The following CCDC150 variants were observed in gnomAD, a reference collection of about 807,000 sequenced individuals.
The protein encoded by CCDC150 is coiled-coil domain-containing protein 150.
Under a neutral mutation model 156.5 loss-of-function variants are expected in CCDC150, and 151 were observed. That is an observed-to-expected ratio of 0.97 (90% CI 0.85 to 1.10). CCDC150 has a LOEUF of 1.10. Ranked by LOEUF, CCDC150 falls within the 50% of genes least tolerant of loss-of-function variation. The probability of loss-of-function intolerance (pLI) is 0.00; values close to 1 mark genes in which losing one functional copy is unlikely to be tolerated. For synonymous variants in CCDC150, 452 were observed against 429.4 expected, an observed-to-expected ratio of 1.05 and a Z score of -0.65; for missense variants, 1,312 against 1,268.1, an observed-to-expected ratio of 1.03 and a Z score of -0.53.
chr2:196,665,588 G>A lies in CCDC150; in HGVS notation c.667G>A (p.Glu223Lys), dbSNP rs1327073160. 2 of 1,602,832 alleles carry A rather than the reference G, an allele frequency of 1.2e-6. No individual in the cohort carries two copies. Among genetic ancestry groups the A allele is most frequent in the South Asian group, 1.1e-5 (1 of 88,126 alleles). ...IQELRRQLAQEKYLRESLEKS... is the reference protein window; with the variant it reads ...IQELRRQLAQKKYLRESLEKS... Reference sequence around the variant, plus strand: ...GTAGCTAAGGAGACAACTGGCTCAGGAGAAGTACCTTAGGGAATCTTTAGA... The same window carrying A: ...GTAGCTAAGGAGACAACTGGCTCAGAAGAAGTACCTTAGGGAATCTTTAGA... The change falls in exon 6 of 28, where the codon GAG (glutamate) becomes AAG (lysine). Residue 223 changes from glutamate (E) to lysine (K), a missense_variant. Physicochemically the swap from Glu to Lys is moderately conservative, Grantham distance 56. Transcript: ENST00000389175.
At chr2:196,685,761 A>G (rs955443794) in intron 13 of CCDC150, among the ~76,000 whole-genome samples, 1 of 151,662 alleles carries the variant, frequency 6.6e-6, no homozygotes, top group African/African-American at 2.4e-5. Context: ...ACAGGCGCCT[A>G]CCACCACGCC....
In CCDC150 at chr2:196,712,709, C is replaced by T. The variant is rs1298783384; in HGVS notation, c.1836C>T (p.His612=). 3 of 1,611,074 alleles carry T rather than the reference C, an allele frequency of 1.9e-6. No individual in the cohort carries two copies. Among genetic ancestry groups the T allele is most frequent in the Non-Finnish European group, 2.5e-6 (3 of 1,178,570 alleles). Residue 612 remains histidine (H), a synonymous_variant, in exon 17 of 28, where the codon CAC becomes CAT. Transcript: ENST00000389175. ...ANSELSAKRV[H]LQQADAHLKE... ...CAGAACTCAGTGCCAAGAGGGTACA[C>T]CTGCAGCAGGCAGATGCTCACCTGA...
intron 17 of CCDC150, among the ~76,000 whole-genome samples, chr2:196,715,059 A>G (rs529284097): frequency 1.3e-5 from 2 of 152,320 alleles, no homozygotes; most frequent in African/African-American, 2.4e-5. Context: ...ATTATGAAAC[A>G]GTACAACTTC....
chr2:196,729,641 T>C (rs1698418735), intron 23 of CCDC150, 152 bp from the exon 24 acceptor site: 10 of 684,986 alleles, frequency 1.5e-5, no homozygotes, highest in East Asian at 8.1e-5. Flanking sequence ...CTTTGCTCTT[T>C]TGGGATCAGT....
intron 5 of CCDC150, among the ~76,000 whole-genome samples, chr2:196,660,139 C>T (rs924768398): frequency 6.6e-6 from 1 of 152,108 alleles, no homozygotes; most frequent in Non-Finnish European, 1.5e-5. Context: ...TTTCATGGCT[C>T]AGTAACTCAT....
rs1698581626 is a variant in CCDC150, at chr2:196,732,550, A to G, written c.3294A>G (p.Val1098=). The G allele has an allele frequency of 6.2e-7, 1 of 1,608,086 alleles. No individual in the cohort carries two copies. Among genetic ancestry groups the G allele is most frequent in the African/African-American group, 1.3e-5 (1 of 74,892 alleles). The part of the protein sequence containing the change: ...RPMPKKYHSE[V]QRK ...TGCCCAAGAAGTATCATTCTGAGGT[A>G]CAGAGGAAGTGATGTCCTTGACAAG... Residue 1098 remains valine (V), a synonymous_variant, in exon 28 of 28, where the codon GTA becomes GTG. Transcript: ENST00000389175.
At chr2:196,649,741 G>T (rs1449458703) in intron 2 of CCDC150, among the ~76,000 whole-genome samples, 1 of 152,020 alleles carries the variant, frequency 6.6e-6, no homozygotes, top group Non-Finnish European at 1.5e-5. Flanking sequence ...ACTTATTCCT[G>T]AGTCCTTTTT....
chr2:196,665,459 A>G, intron 5 of CCDC150, 108 bp from the exon 6 acceptor site: 1 of 552,746 alleles, frequency 1.8e-6, no homozygotes. Context: ...ATGAATTAAG[A>G]CTGTTTGGGG....
At chr2:196,658,265 G>T (rs1559219947) in intron 4 of CCDC150, among the ~76,000 whole-genome samples, 1 of 152,114 alleles carries the variant, frequency 6.6e-6, no homozygotes. Flanking sequence ...TAAAAAAAAG[G>T]TATGCTCGAA....
intron 13 of CCDC150, among the ~76,000 whole-genome samples, chr2:196,684,571 T>G (rs182353180): frequency 3.7e-4 from 56 of 152,252 alleles, no homozygotes; most frequent in African/African-American, 1.0e-3. Flanking sequence ...CTACTTGGTT[T>G]ATAGTGTTGT....
rs1559274293 is a variant in CCDC150 at position 196,719,684 on chromosome 2, T to TC, written c.2165+21dup. 4.4e-6 allele frequency: 7 copies of TC among 1,587,856 alleles called. No homozygotes were observed. Among genetic ancestry groups the TC allele is most frequent in the East Asian group, 2.3e-5 (1 of 44,234 alleles). On this transcript the variant is annotated intron_variant, in intron 19 of 27. Coordinates refer to ENST00000389175, the MANE Select transcript of CCDC150 (RefSeq NM_001080539.2). ...AAAGAAAGGTACCTGTGGTTTTTTTTCCCTGTCATTGGTATTGCTGGATTG... is the reference window on the plus strand; with the variant it reads ...AAAGAAAGGTACCTGTGGTTTTTTTTCCCCTGTCATTGGTATTGCTGGATTG...
chr2:196,685,781 T>G lies in CCDC150; in HGVS notation c.1509+8420T>G, dbSNP rs891583519. Reference sequence around the variant, plus strand: ...CGCCTACCACCACGCCTGGCTAATTTTTTTTGTATTTTTAGTAGAGACGAG... The same window carrying G: ...CGCCTACCACCACGCCTGGCTAATTGTTTTTGTATTTTTAGTAGAGACGAG... On this transcript the variant is annotated intron_variant, in intron 13 of 27. Coordinates refer to ENST00000389175, the MANE Select transcript of CCDC150 (RefSeq NM_001080539.2). Among the ~76,000 whole-genome samples, 3 of 152,028 alleles carry G rather than the reference T, an allele frequency of 2.0e-5. No individual in the cohort carries two copies. The South Asian group carries it at 6.2e-4, about 32-fold the overall frequency.
At chr2:196,713,573 CTT>C (rs1353358696) in intron 17 of CCDC150, 1 of 1,547,996 alleles carries the variant, frequency 6.5e-7, no homozygotes, top group Non-Finnish European at 8.7e-7. Context: ...TCTAAAGACT[CTT>C]TTGAATGCTA....
intron 15 of CCDC150, among the ~76,000 whole-genome samples, chr2:196,704,083 CAA>C (rs1199962545): frequency 3.3e-5 from 5 of 152,142 alleles, no homozygotes; most frequent in African/African-American, 1.2e-4. Context: ...TAAACATAGT[CAA>C]AACAGTAGTC....
intron 26 of CCDC150, 112 bp downstream of exon 26, chr2:196,731,057 C>T (rs1698490213): frequency 1.4e-6 from 1 of 690,972 alleles, no homozygotes; most frequent in Non-Finnish European, 2.4e-6. Flanking sequence ...AGGAATGCAA[C>T]AGGGAAGAAC....
intron 2 of CCDC150, among the ~76,000 whole-genome samples, chr2:196,648,463 T>G (rs1321998575): frequency 6.6e-6 from 1 of 152,184 alleles, no homozygotes; most frequent in Non-Finnish European, 1.5e-5. Flanking sequence ...TTCCGGTTTT[T>G]GTCCATGTTT....
intron 12 of CCDC150, 96 bp downstream of exon 12, chr2:196,676,827 C>A: frequency 8.7e-7 from 1 of 1,147,684 alleles, no homozygotes; most frequent in Non-Finnish European, 1.3e-6. Context: ...GAAATAAAAC[C>A]CAGATGCAGT....
intron 22 of CCDC150, chr2:196,728,030 AAAAAG>A (rs1698311902): frequency 1.3e-5 from 2 of 151,744 alleles, no homozygotes; most frequent in African/African-American, 4.8e-5. Context: ...AAAAAAAAAA[AAAAAG>A]AATACTTACA....
chr2:196,660,565 A>G (rs575422001), intron 5 of CCDC150, among the ~76,000 whole-genome samples: 4 of 152,340 alleles, frequency 2.6e-5, no homozygotes, highest in African/African-American at 9.6e-5. Context: ...ATATAATGAC[A>G]CTGAGAATCT....
Sources: gnomAD v4.1 joint callset for allele counts (sites outside exome capture counted in the v4.1 genomes callset) on GRCh38, gnomAD v4.1.1 for gene constraint, MANE v1.5 for transcripts, NCBI Gene and HGNC (gene_info 2026-07-23, HGNC 2026-07-21) for gene names.